Variants in GRID2 observed in about 807,000 individuals in gnomAD.
GRID2 encodes glutamate receptor ionotropic, delta-2.
Under a neutral mutation model 114.8 loss-of-function variants are expected in GRID2, and 33 were observed. That is an observed-to-expected ratio of 0.29 (90% CI 0.22 to 0.38). The LOEUF is 0.38. Ranked by LOEUF, GRID2 falls within the 10% of genes least tolerant of loss-of-function variation. GRID2 has a pLI of 1.00. For missense variants in GRID2, 1,184 were observed against 1,257.7 expected (o/e 0.94, Z 0.89); for synonymous variants, 505 against 449.9 (o/e 1.12, Z -1.55).
At chr4:92,444,738 A>G (rs1733357185) in intron 1 of GRID2, among the ~76,000 whole-genome samples, 2 of 152,210 alleles carry the variant, frequency 1.3e-5, no homozygotes, top group Non-Finnish European at 2.9e-5. Flanking sequence ...CTGCAACATA[A>G]TAAATGACAA....
chr4:92,403,029 A>G (rs1730862331), intron 1 of GRID2, among the ~76,000 whole-genome samples: 1 of 152,158 alleles, frequency 6.6e-6, no homozygotes, highest in South Asian at 2.1e-4. Flanking sequence ...AGTTTTTCAT[A>G]TGAAGAAGGC....
chr4:92,602,732 G>T (rs187763881), intron 2 of GRID2, among the ~76,000 whole-genome samples: 7 of 152,242 alleles, frequency 4.6e-5, no homozygotes, highest in Admixed American at 2.0e-4. Context: ...AGAAATAAAG[G>T]TTATTCAAAT....
chr4:92,810,089 ATGT>A (rs1740598768), intron 2 of GRID2, among the ~76,000 whole-genome samples: 1 of 152,028 alleles, frequency 6.6e-6, no homozygotes, highest in African/African-American at 2.4e-5. Flanking sequence ...TATGACTTCA[ATGT>A]TGTGACTACT....
Position 92,397,544 on chromosome 4 carries a change from A to G in GRID2, c.88+92800A>G, listed in dbSNP as rs556621582. ...AAGAGAAAGAAAAAAGAAATTATTT[A>G]TGTCACCCAACATATGGAATAAACT... is the stretch of plus-strand genomic sequence containing the variant. On this transcript the variant is annotated intron_variant, in intron 1 of 15. Transcript: ENST00000282020. Among the ~76,000 whole-genome samples the G allele has an allele frequency of 5.3e-5, 8 of 152,218 alleles. No homozygotes were observed. In the South Asian group the frequency reaches 1.4e-3, roughly 28 times the overall value.
At chr4:92,848,657 A>C (rs1743523037) in intron 2 of GRID2, among the ~76,000 whole-genome samples, 1 of 151,968 alleles carries the variant, frequency 6.6e-6, no homozygotes, top group Non-Finnish European at 1.5e-5. Flanking sequence ...TGATGAGTCT[A>C]CATCATTACC....
intron 8 of GRID2, among the ~76,000 whole-genome samples, chr4:93,302,283 G>A (rs561479083): frequency 6.6e-6 from 1 of 152,278 alleles, no homozygotes; most frequent in East Asian, 1.9e-4. Context: ...GATGTAAACA[G>A]TTGAAACAGT....
At chr4:92,482,028 AT>A (rs1560660603) in intron 1 of GRID2, among the ~76,000 whole-genome samples, 49 of 69,152 alleles carry the variant, frequency 7.1e-4, no homozygotes, top group African/African-American at 1.7e-3. Flanking sequence ...ATATATATAT[AT>A]ATATAAAATA....
chr4:93,150,094 A>AT (rs1211953936), intron 4 of GRID2, among the ~76,000 whole-genome samples: 2 of 152,250 alleles, frequency 1.3e-5, no homozygotes, highest in African/African-American at 4.8e-5. Flanking sequence ...CTAGAAAAAT[A>AT]TTTTTTTAAG....
At chr4:93,635,570 T>G (rs1031690971) in intron 14 of GRID2, among the ~76,000 whole-genome samples, 2 of 152,032 alleles carry the variant, frequency 1.3e-5, no homozygotes, top group African/African-American at 4.8e-5. Context: ...CAGAGCAACC[T>G]CCTCTTTAAA....
At chr4:93,094,933 A>C (rs1254354715) in intron 3 of GRID2, among the ~76,000 whole-genome samples, 5 of 152,054 alleles carry the variant, frequency 3.3e-5, no homozygotes, top group Admixed American at 3.3e-4. Flanking sequence ...ATTTGAAAAA[A>C]GAAAAGCTTA....
At chr4:92,546,411 A>G (rs985909935) in intron 1 of GRID2, among the ~76,000 whole-genome samples, 2 of 152,154 alleles carry the variant, frequency 1.3e-5, no homozygotes, top group Non-Finnish European at 2.9e-5. Flanking sequence ...AACGGCCCAT[A>G]AAAAGAGTGT....
intron 1 of GRID2, among the ~76,000 whole-genome samples, chr4:92,436,742 A>C (rs757572709): frequency 2.0e-5 from 3 of 152,110 alleles, no homozygotes; most frequent in Admixed American, 6.6e-5. Flanking sequence ...TATTAGACTT[A>C]TTTCTACATA....
At chr4:93,689,453 A>G (rs13119436) in intron 14 of GRID2, among the ~76,000 whole-genome samples, 66,224 of 151,852 alleles carry the variant, frequency 0.44, 14,924 homozygotes, top group East Asian at 0.74. Flanking sequence ...GGATAAATAA[A>G]TCATTAACAA....
intron 2 of GRID2, among the ~76,000 whole-genome samples, chr4:93,055,521 AAAC>A (rs768197501): frequency 8.4e-4 from 127 of 152,072 alleles, no homozygotes; most frequent in African/African-American, 2.2e-3. Flanking sequence ...AAGTATAATT[AAAC>A]AACAACAACA....
Position 93,024,047 on chromosome 4 carries a change from A to G in GRID2, c.245-60948A>G, listed in dbSNP as rs572544820. ...AAAAACAATTTACAAGTCATTTCAAATAAGTCTCTTACTTTAACTATCTGG... is the reference window on the plus strand; with the variant it reads ...AAAAACAATTTACAAGTCATTTCAAGTAAGTCTCTTACTTTAACTATCTGG... On this transcript the variant is annotated intron_variant, in intron 2 of 15. Transcript: ENST00000282020. 2.7e-4 allele frequency among the ~76,000 whole-genome samples: 41 copies of G among 152,036 alleles called. No individual in the cohort carries two copies. In the East Asian group the frequency reaches 7.7e-3, roughly 29 times the overall value.
intron 2 of GRID2, among the ~76,000 whole-genome samples, chr4:93,021,685 TATA>T (rs951043939): frequency 4.1e-5 from 6 of 145,336 alleles, no homozygotes; most frequent in African/African-American, 9.9e-5. Context: ...TATAATTATT[TATA>T]ATATGTATAT....
chr4:93,605,527 C>T (rs189321167), intron 13 of GRID2, among the ~76,000 whole-genome samples: 4 of 152,178 alleles, frequency 2.6e-5, no homozygotes, highest in Admixed American at 2.0e-4. Flanking sequence ...CACAACATTC[C>T]GTTATTACTT....
intron 1 of GRID2, among the ~76,000 whole-genome samples, chr4:92,369,101 T>C (rs1729001963): frequency 6.6e-6 from 1 of 152,066 alleles, no homozygotes; most frequent in African/African-American, 2.4e-5. Context: ...CTTTTGCTCA[T>C]TGAAATAATG....
At chr4:93,716,687 C>A (rs1029847515) in intron 14 of GRID2, among the ~76,000 whole-genome samples, 1 of 151,802 alleles carries the variant, frequency 6.6e-6, no homozygotes, top group Non-Finnish European at 1.5e-5. Flanking sequence ...ATATGATATA[C>A]CTTTTAAAAT....
Sources: gnomAD v4.1 joint callset for allele counts (sites outside exome capture counted in the v4.1 genomes callset) on GRCh38, gnomAD v4.1.1 for gene constraint, MANE v1.5 for transcripts, NCBI Gene and HGNC (gene_info 2026-07-23, HGNC 2026-07-21) for gene names.